The following THRB variants were observed in gnomAD, a reference collection of about 807,000 sequenced individuals.
THRB encodes nuclear receptor subfamily 1 group A member 2.
THRB carries 12 observed loss-of-function variants against 47.8 expected under a neutral mutation model. The ratio of observed to expected loss-of-function variants is 0.25; its 90% CI spans 0.16 to 0.41. The LOEUF is 0.41. Ranked by LOEUF, THRB falls within the 10% of genes least tolerant of loss-of-function variation. THRB has a pLI of 1.00. For synonymous variants in THRB, 218 were observed against 212.2 expected (o/e 1.03, Z -0.24); for missense variants, 348 against 589.2 (o/e 0.59, Z 4.24).
chr3:24,286,338 A>G (rs959730250), intron 3 of THRB, among the ~76,000 whole-genome samples: 1 of 152,214 alleles, frequency 6.6e-6, no homozygotes, highest in Non-Finnish European at 1.5e-5. Context: ...GGAAAGCATT[A>G]TATTTTTTGT....
chr3:24,215,027 G>A (rs1317572345), intron 4 of THRB, among the ~76,000 whole-genome samples: 4 of 152,162 alleles, frequency 2.6e-5, no homozygotes, highest in Non-Finnish European at 4.4e-5. Context: ...CCATCTTACA[G>A]ATCCATCATT....
intron 2 of THRB, among the ~76,000 whole-genome samples, chr3:24,311,005 T>A (rs1445901800): frequency 3.9e-5 from 6 of 152,126 alleles, no homozygotes; most frequent in Non-Finnish European, 7.4e-5. Context: ...TTGGGTGGTG[T>A]CTCAAGCAGA....
At chr3:24,230,604 A>G (rs770831006) in intron 3 of THRB, among the ~76,000 whole-genome samples, 4 of 152,140 alleles carry the variant, frequency 2.6e-5, no homozygotes, top group Non-Finnish European at 4.4e-5. Context: ...AGGTGAGAGC[A>G]CAGGTCGTAC....
At chr3:24,177,602 T>C (rs2041333837) in intron 5 of THRB, among the ~76,000 whole-genome samples, 1 of 151,960 alleles carries the variant, frequency 6.6e-6, no homozygotes, top group African/African-American at 2.4e-5. Context: ...AAAACAAAAA[T>C]CCAAATTCAT....
At chr3:24,412,818 G>C (rs1418356906) in intron 1 of THRB, among the ~76,000 whole-genome samples, 1 of 151,608 alleles carries the variant, frequency 6.6e-6, no homozygotes, top group Non-Finnish European at 1.5e-5. Context: ...AGATTATTAA[G>C]ATATTTTTAA....
At chr3:24,250,911 A>G (rs2050600222) in intron 3 of THRB, among the ~76,000 whole-genome samples, 1 of 149,026 alleles carries the variant, frequency 6.7e-6, no homozygotes, top group Non-Finnish European at 1.5e-5. Flanking sequence ...CAAAAATAGA[A>G]TAATTATAGC....
chr3:24,395,148 G>A (rs1050034686), intron 1 of THRB, among the ~76,000 whole-genome samples: 8 of 151,954 alleles, frequency 5.3e-5, no homozygotes, highest in Non-Finnish European at 1.2e-4. Context: ...CTAAATGTAA[G>A]GGCTAAAACT....
intron 1 of THRB, among the ~76,000 whole-genome samples, chr3:24,425,756 C>T (rs1180117260): frequency 6.6e-6 from 1 of 151,918 alleles, no homozygotes; most frequent in African/African-American, 2.4e-5. Flanking sequence ...GAATGAGACA[C>T]AGAAAGCCCA....
chr3:24,271,216 TTTG>T (rs1191238758), intron 3 of THRB, among the ~76,000 whole-genome samples: 1 of 152,188 alleles, frequency 6.6e-6, no homozygotes, highest in Non-Finnish European at 1.5e-5. Context: ...CAAACAACCA[TTTG>T]TTTTTAAACC....
chr3:24,242,222 C>A, intron 3 of THRB, among the ~76,000 whole-genome samples: 1 of 152,126 alleles, frequency 6.6e-6, no homozygotes, highest in East Asian at 1.9e-4. Flanking sequence ...CTCAGGAAGC[C>A]AAAAACAAGA....
chr3:24,233,618 A>AAAGAGC (rs1559685106), intron 3 of THRB, among the ~76,000 whole-genome samples: 29 of 152,256 alleles, frequency 1.9e-4, no homozygotes, highest in South Asian at 6.2e-4. Flanking sequence ...AAAGAAAGAG[A>AAAGAGC]AAGAGCCTGT....
chr3:24,182,073 C>T (rs1467396515), intron 5 of THRB, among the ~76,000 whole-genome samples: 1 of 152,122 alleles, frequency 6.6e-6, no homozygotes, highest in African/African-American at 2.4e-5. Flanking sequence ...TGGTGGCGGG[C>T]GCCTGTAGTC....
At chr3:24,375,506 T>C (rs2065219892) in intron 1 of THRB, among the ~76,000 whole-genome samples, 1 of 146,200 alleles carries the variant, frequency 6.8e-6, no homozygotes, top group South Asian at 2.1e-4. Context: ...TAATATATTA[T>C]AGTTAGACAT....
At chr3:24,287,860 T>C (rs2055488265) in intron 3 of THRB, among the ~76,000 whole-genome samples, 1 of 152,136 alleles carries the variant, frequency 6.6e-6, no homozygotes, top group Non-Finnish European at 1.5e-5. Context: ...GCATGAACTT[T>C]AAAAGGAAAC....
At chr3:24,492,800 T>C (rs984352575) in intron 1 of THRB, among the ~76,000 whole-genome samples, 2 of 152,258 alleles carry the variant, frequency 1.3e-5, no homozygotes, top group Admixed American at 6.5e-5. Flanking sequence ...AGTTGCTTTA[T>C]GTAACAATAT....
intron 4 of THRB, among the ~76,000 whole-genome samples, chr3:24,212,180 C>T (rs1468675455): frequency 5.3e-5 from 8 of 151,596 alleles, no homozygotes; most frequent in Non-Finnish European, 1.0e-4. Flanking sequence ...GGGTGGATCA[C>T]GAAGTCAGGA....
chr3:24,223,949 G>A (rs1246785635), intron 4 of THRB, among the ~76,000 whole-genome samples: 1 of 151,986 alleles, frequency 6.6e-6, no homozygotes, highest in Non-Finnish European at 1.5e-5. Context: ...AGTTTTGAAA[G>A]GCTTGATACA....
intron 3 of THRB, among the ~76,000 whole-genome samples, chr3:24,251,319 G>T (rs2050645787): frequency 6.6e-6 from 1 of 152,022 alleles, no homozygotes; most frequent in Non-Finnish European, 1.5e-5. Flanking sequence ...AGCTGAAAGA[G>T]AAATTAATAA....
chr3:24,126,026 A>T (rs826376), intron 10 of THRB, among the ~76,000 whole-genome samples: 1 of 151,948 alleles, frequency 6.6e-6, no homozygotes, highest in East Asian at 1.9e-4. Context: ...AAAAAGAATT[A>T]TTTCTTTCTT....
Sources: allele counts gnomAD v4.1 joint callset (sites outside exome capture counted in the v4.1 genomes callset), GRCh38; gene constraint gnomAD v4.1.1; transcripts MANE v1.5; gene names NCBI Gene and HGNC (gene_info 2026-07-23, HGNC 2026-07-21).